Variants in VGLL4 observed in about 807,000 individuals in gnomAD.
VGLL4 encodes vestigial like family member 4, also known as transcription cofactor vestigial-like protein 4.
Under a neutral mutation model 21.0 loss-of-function variants are expected in VGLL4, and 7 were observed. The observed-to-expected ratio is 0.33, with a 90% confidence interval of 0.19 to 0.63. The LOEUF (loss-of-function observed/expected upper bound fraction) is 0.63, where lower values mean the gene tolerates loss of function less well. Among genes scored for constraint, VGLL4 ranks in the 20% least tolerant of loss-of-function variants. The pLI is 0.78. For missense variants in VGLL4, 394 were observed against 425.7 expected, an observed-to-expected ratio of 0.93 and a Z score of 0.66; for synonymous variants, 222 against 173.2, an observed-to-expected ratio of 1.28 and a Z score of -2.21.
upstream of VGLL4, among the ~76,000 whole-genome samples, chr3:11,647,352 G>A (rs1393227945): frequency 6.6e-6 from 1 of 152,074 alleles, no homozygotes; most frequent in Non-Finnish European, 1.5e-5. Context: ...AGACTTGTCA[G>A]AAAGCCCCTC....
At chr3:11,688,572 G>T (rs1005250920) in intron 2 of VGLL4, among the ~76,000 whole-genome samples, 49 of 151,798 alleles carry the variant, frequency 3.2e-4, no homozygotes, top group African/African-American at 1.2e-3. Context: ...CCCTTTTCTT[G>T]TTTCATATAT....
rs112463341 is a variant in VGLL4, at chr3:11,595,888, A to C, written c.272+5945T>G. 2.3e-3 allele frequency among the ~76,000 whole-genome samples: 355 copies of C among 151,486 alleles called. 2 individuals carry two copies. Among genetic ancestry groups the C allele is most frequent in the African/African-American group, 8.2e-3 (338 of 41,306 alleles). On this transcript the variant is annotated intron_variant, in intron 2 of 4. Coordinates refer to ENST00000430365, the MANE Select transcript of VGLL4 (RefSeq NM_001128219.3). ...TAGGAGATATACCTAATGCTAAATGACAAGTTAATGGGTGCAGCACACCAT... is the reference window on the plus strand; with the variant it reads ...TAGGAGATATACCTAATGCTAAATGCCAAGTTAATGGGTGCAGCACACCAT...
intron 1 of VGLL4, among the ~76,000 whole-genome samples, chr3:11,624,987 C>CT (rs1207357737): frequency 6.6e-6 from 1 of 152,202 alleles, no homozygotes; most frequent in Admixed American, 6.5e-5. Context: ...TGACAATGCT[C>CT]TTTAGGGGAT....
chr3:11,716,315 A>G (rs569268589), intron 1 of VGLL4, among the ~76,000 whole-genome samples: 28 of 151,930 alleles, frequency 1.8e-4, no homozygotes, highest in Admixed American at 1.3e-3. Context: ...AAAAAAAAAA[A>G]AAAAAGCACA....
intron 2 of VGLL4, among the ~76,000 whole-genome samples, chr3:11,576,499 AGCT>A (rs904785897): frequency 1.3e-5 from 2 of 152,168 alleles, no homozygotes; most frequent in African/African-American, 4.8e-5. Context: ...TTCCTCACTG[AGCT>A]GCAGTGTCTG....
At chr3:11,702,959 C>T (rs769226738) in intron 2 of VGLL4, 27 of 1,608,616 alleles carry the variant, frequency 1.7e-5, no homozygotes, top group Non-Finnish European at 2.3e-5. Context: ...TTATAATAGA[C>T]TCCTCACTTA....
chr3:11,630,786 C>T (rs761847669), intron 1 of VGLL4, among the ~76,000 whole-genome samples: 3 of 152,108 alleles, frequency 2.0e-5, no homozygotes, highest in Non-Finnish European at 4.4e-5. Context: ...CCCAATAATC[C>T]GGCAATTCTA....
chr3:11,560,113 C>T (rs953571110), intron 3 of VGLL4, among the ~76,000 whole-genome samples: 2 of 152,072 alleles, frequency 1.3e-5, no homozygotes, highest in African/African-American at 4.8e-5. Flanking sequence ...AAGCCCTGTT[C>T]AGATCTCTCT....
intron 2 of VGLL4, among the ~76,000 whole-genome samples, chr3:11,575,153 G>A (rs935530976): frequency 6.6e-6 from 1 of 152,204 alleles, no homozygotes; most frequent in African/African-American, 2.4e-5. Flanking sequence ...GGCAGAGTAG[G>A]GACTTGGGTC....
chr3:11,604,248 G>A lies in VGLL4; in HGVS notation c.83-2226C>T, dbSNP rs188708377. 4.6e-3 allele frequency: 2,131 copies of A among 463,434 alleles called. 79 individuals are homozygous for A. In the African/African-American group the frequency reaches 0.051, roughly 11 times the overall value. 28.7% of individuals were successfully genotyped at this position (463,434 alleles called of 1,614,324 possible). ...TTCAGCATCTCAGCTTGCCGGCGCCGGAAGGAGCCCAGGAAGCACGGTTTG... is the reference window on the plus strand; with the variant it reads ...TTCAGCATCTCAGCTTGCCGGCGCCAGAAGGAGCCCAGGAAGCACGGTTTG... On this transcript the variant is annotated intron_variant, in intron 1 of 4. Transcript: ENST00000430365.
intron 2 of VGLL4, among the ~76,000 whole-genome samples, chr3:11,656,718 G>A (rs1039526038): frequency 6.6e-6 from 1 of 152,196 alleles, no homozygotes; most frequent in Non-Finnish European, 1.5e-5. Context: ...AGCACTGGGA[G>A]TCACTTCAAA....
At chr3:11,596,563 C>G (rs2074647740) in intron 2 of VGLL4, among the ~76,000 whole-genome samples, 1 of 152,038 alleles carries the variant, frequency 6.6e-6, no homozygotes, top group Admixed American at 6.5e-5. Flanking sequence ...TTGGGTTAGC[C>G]CTGGAGCATC....
intron 1 of VGLL4, among the ~76,000 whole-genome samples, chr3:11,608,953 C>T (rs2075003718): frequency 6.6e-6 from 1 of 152,136 alleles, no homozygotes; most frequent in South Asian, 2.1e-4. Context: ...CCTCTGCCTC[C>T]TGGGTTCAAG....
In VGLL4 at chr3:11,719,905, G is replaced by A. The variant is rs1419565216; in HGVS notation, c.-14+489C>T. On this transcript the variant is annotated intron_variant, in intron 1 of 5. Transcript: ENST00000273038. This position sits in a 1 kb window ranked among gnomAD's most constrained non-coding sequence, Gnocchi z 4.0. Reference sequence around the variant, plus strand: ...CGCTCCCGAGAGGCGCCAGCGGGCAGGGCGAGTGGACATGGCGCACACTGC... The same window carrying A: ...CGCTCCCGAGAGGCGCCAGCGGGCAAGGCGAGTGGACATGGCGCACACTGC... Among the ~76,000 whole-genome samples, 2 of 152,084 alleles carry A rather than the reference G, an allele frequency of 1.3e-5. No individual in the cohort carries two copies. The highest frequency in any genetic ancestry group is 2.4e-5 in the African/African-American group (1 of 41,434).
intron 2 of VGLL4, among the ~76,000 whole-genome samples, chr3:11,666,178 G>C (rs1050470887): frequency 6.6e-6 from 1 of 151,960 alleles, no homozygotes; most frequent in African/African-American, 2.4e-5. Context: ...CGTGAACCCG[G>C]GAGGCGGAGC....
intron 2 of VGLL4, among the ~76,000 whole-genome samples, chr3:11,675,447 G>T (rs1319271926): frequency 6.6e-6 from 1 of 152,166 alleles, no homozygotes; most frequent in African/African-American, 2.4e-5. Flanking sequence ...AGGGCAGTAT[G>T]GGGCTTGTCT....
chr3:11,630,410 C>T (rs554299034), intron 1 of VGLL4, among the ~76,000 whole-genome samples: 13 of 152,026 alleles, frequency 8.6e-5, no homozygotes, highest in South Asian at 2.1e-4. Flanking sequence ...TTTGGGAGGC[C>T]GAGGCAGGTG....
chr3:11,629,295 T>C (rs545918826), intron 1 of VGLL4, among the ~76,000 whole-genome samples: 1 of 152,152 alleles, frequency 6.6e-6, no homozygotes, highest in African/African-American at 2.4e-5. Context: ...CAATTCTCTA[T>C]ATTTCTTTGG....
chr3:11,656,213 A>T (rs7629368), intron 2 of VGLL4, among the ~76,000 whole-genome samples: 14,063 of 152,298 alleles, frequency 0.092, 982 homozygotes, highest in African/African-American at 0.19. Context: ...CACACACGAC[A>T]GACGAGGTCC....
Sources: gnomAD v4.1 joint callset for allele counts (sites outside exome capture counted in the v4.1 genomes callset) on GRCh38, gnomAD v4.1.1 for gene constraint, Gnocchi (gnomAD v3.1) non-coding constraint, MANE v1.5 for transcripts, NCBI Gene and HGNC (gene_info 2026-07-23, HGNC 2026-07-21) for gene names.